Variants in MMP16 observed in about 807,000 individuals in gnomAD.
The protein encoded by MMP16 is matrix metallopeptidase 16, also known as matrix metalloproteinase-16.
A neutral mutation model predicts 67.8 loss-of-function variants in MMP16; 12 were observed. That is an observed-to-expected ratio of 0.18 (90% CI 0.11 to 0.29). MMP16 has a LOEUF of 0.29. MMP16 is among the 10% of genes least tolerant of loss of function. MMP16 has a pLI of 1.00. For missense variants in MMP16, 475 were observed against 765.7 expected, an observed-to-expected ratio of 0.62 and a Z score of 4.48; for synonymous variants, 249 against 255.9, an observed-to-expected ratio of 0.97 and a Z score of 0.26.
At chr8:88,104,111 A>G (rs1356667402) in intron 6 of MMP16, among the ~76,000 whole-genome samples, 1 of 151,716 alleles carries the variant, frequency 6.6e-6, no homozygotes, top group African/African-American at 2.4e-5. Context: ...CACATTTATA[A>G]AGCTTCTTTT....
intron 1 of MMP16, among the ~76,000 whole-genome samples, chr8:88,297,167 A>G (rs1179296285): frequency 1.3e-5 from 2 of 152,168 alleles, no homozygotes; most frequent in African/African-American, 4.8e-5. Context: ...CTGACACTCC[A>G]CATGCATACT....
rs1204369266 is a variant in MMP16, at chr8:88,058,083, G to T, written c.1223-1805C>A. On this transcript the variant is annotated intron_variant, in intron 7 of 9. Coordinates refer to ENST00000286614, the MANE Select transcript of MMP16 (RefSeq NM_005941.5). The surrounding 1 kb of genome is among the most constrained non-coding windows in gnomAD (Gnocchi z 4.2). ...TAAAGAAAGAGAAGGTAATAAATAT[G>T]CAAAGAATATTGGGAAGTGCATTCA... 6.6e-6 allele frequency among the ~76,000 whole-genome samples: 1 copy of T among 152,130 alleles called. No individual in the cohort carries two copies. The highest frequency in any genetic ancestry group is 1.5e-5 in the Non-Finnish European group (1 of 68,018).
At chr8:88,068,955 C>T (rs528841958) in intron 7 of MMP16, among the ~76,000 whole-genome samples, 1 of 152,012 alleles carries the variant, frequency 6.6e-6, no homozygotes, top group Non-Finnish European at 1.5e-5. Context: ...ACTTGCCTCC[C>T]CCTCCCAAAG....
chr8:88,327,105 G>C lies in MMP16; in HGVS notation c.102C>G (p.Val34=), dbSNP rs148050831. 625 of 1,613,996 alleles carry C rather than the reference G, an allele frequency of 3.9e-4. 3 individuals carry two copies. In the African/African-American group the frequency reaches 7.6e-3, roughly 20 times the overall value. The change falls in exon 1 of 10, where the codon GTC becomes GTG. Residue 34 remains valine, a synonymous_variant. Coordinates refer to ENST00000286614, the MANE Select transcript of MMP16 (RefSeq NM_005941.5). ...CATTGAAATACTGCTCCGTTCCGCA[G>C]ACTGTAGCACATAAAATCCAAAGCA... ...QTLLWILCAT[V]CGTEQYFNVE...
chr8:88,074,671 G>T lies in MMP16; in HGVS notation c.1156C>A (p.Arg386=), dbSNP rs760308984. 2.9e-5 allele frequency: 47 copies of T among 1,613,488 alleles called. No homozygotes were observed. The Admixed American group carries it at 7.5e-4, about 26-fold the overall frequency. Reference sequence around the variant, plus strand: ...GCATCGATACTAGGAGGCAAGCCCCGCCAGAAGTAAGTAATTTGCATTGGG... The same window carrying T: ...GCATCGATACTAGGAGGCAAGCCCCTCCAGAAGTAAGTAATTTGCATTGGG... ...GYPMQITYFW[R]GLPPSIDAVY... Residue 386 remains arginine, a synonymous_variant, in exon 7 of 10, where the codon CGG becomes AGG. Transcript: ENST00000286614.
rs1424491933 is a variant in MMP16, at chr8:88,035,211, A to T, written c.*6250T>A. ...AAGCTAAGTGACCTAACATAAGTATATTTCCGTATTTATATTTAATTGATT... is the reference window on the plus strand; with the variant it reads ...AAGCTAAGTGACCTAACATAAGTATTTTTCCGTATTTATATTTAATTGATT... On this transcript the variant is annotated 3_prime_UTR_variant, in exon 10 of 10. Transcript: ENST00000286614. This position sits in a 1 kb window ranked among gnomAD's most constrained non-coding sequence, Gnocchi z 4.7. The T allele has an allele frequency of 2.0e-5, 3 of 151,062 alleles. No homozygotes were observed. Among genetic ancestry groups the T allele is most frequent in the Admixed American group, 6.6e-5 (1 of 15,116 alleles). The allele number at this position is 151,062 out of a possible 1,614,324, so 9.4% of individuals were successfully genotyped here. A position where few individuals can be genotyped will look rare whatever the true frequency, so the allele number is the denominator to read the frequency against.
chr8:88,035,119 T>C lies in MMP16; in HGVS notation c.*6342A>G, dbSNP rs546573187. On this transcript the variant is annotated 3_prime_UTR_variant, in exon 10 of 10. Transcript: ENST00000286614. The surrounding 1 kb of genome is among the most constrained non-coding windows in gnomAD (Gnocchi z 4.7). ...ATAAGCCAAAAAGTTTATCATTTTA[T>C]TCTTGTTCACCATTCTTTTCTTCCA... 3.9e-5 allele frequency: 6 copies of C among 152,062 alleles called. No individual in the cohort carries two copies. Among genetic ancestry groups the C allele is most frequent in the Non-Finnish European group, 5.9e-5 (4 of 67,954 alleles). 9.4% of individuals were successfully genotyped at this position (152,062 alleles called of 1,614,324 possible).
intron 1 of MMP16, among the ~76,000 whole-genome samples, chr8:88,297,726 C>T (rs542830886): frequency 1.3e-5 from 2 of 152,312 alleles, no homozygotes; most frequent in African/African-American, 2.4e-5. Flanking sequence ...TCATTAGTTG[C>T]AAGACTTTAG....
chr8:88,110,755 G>T (rs184416316), intron 6 of MMP16, among the ~76,000 whole-genome samples: 41 of 151,616 alleles, frequency 2.7e-4, no homozygotes, highest in African/African-American at 9.4e-4. Context: ...TTTATATCAT[G>T]AGAATTATGG....
chr8:88,071,768 T>C (rs1808559978), intron 7 of MMP16, among the ~76,000 whole-genome samples: 1 of 152,132 alleles, frequency 6.6e-6, no homozygotes, highest in African/African-American at 2.4e-5. Flanking sequence ...ACTATGACCA[T>C]AGCCTGCTTC....
At chr8:88,065,793 G>T (rs945944578) in intron 7 of MMP16, among the ~76,000 whole-genome samples, 4 of 152,008 alleles carry the variant, frequency 2.6e-5, no homozygotes, top group Admixed American at 2.6e-4. Flanking sequence ...GCAGCATAAA[G>T]AAATTGCCTG....
intron 3 of MMP16, among the ~76,000 whole-genome samples, chr8:88,178,593 T>C (rs565626914): frequency 2.0e-5 from 3 of 152,324 alleles, no homozygotes; most frequent in African/African-American, 7.2e-5. Flanking sequence ...TTAAGATTTT[T>C]CTTACTCACC....
intron 6 of MMP16, among the ~76,000 whole-genome samples, chr8:88,110,563 G>T (rs1329427454): frequency 6.6e-6 from 1 of 151,544 alleles, no homozygotes; most frequent in African/African-American, 2.4e-5. Flanking sequence ...CTTCCTGGCA[G>T]TATGGAATTA....
At chr8:88,199,526 C>G (rs1809307516) in intron 1 of MMP16, among the ~76,000 whole-genome samples, 1 of 151,984 alleles carries the variant, frequency 6.6e-6, no homozygotes, top group African/African-American at 2.4e-5. Context: ...GGAAGCAAAC[C>G]TTCCTTCCAA....
chr8:88,135,557 C>G (rs1808104730), intron 4 of MMP16, among the ~76,000 whole-genome samples: 1 of 151,708 alleles, frequency 6.6e-6, no homozygotes, highest in African/African-American at 2.4e-5. Context: ...GTGCTCTAAT[C>G]AAAATGCCTG....
intron 8 of MMP16, among the ~76,000 whole-genome samples, chr8:88,047,799 C>A (rs910901506): frequency 6.6e-6 from 1 of 152,130 alleles, no homozygotes; most frequent in Non-Finnish European, 1.5e-5. Context: ...AAACTTATGG[C>A]TAAGTGTTGA....
chr8:88,254,876 T>A (rs1810277937), intron 1 of MMP16, among the ~76,000 whole-genome samples: 1 of 152,184 alleles, frequency 6.6e-6, no homozygotes, highest in South Asian at 2.1e-4. Flanking sequence ...TCTTAGGCCA[T>A]TAATTGTGAC....
chr8:88,163,674 G>C (rs1808667764), intron 4 of MMP16, among the ~76,000 whole-genome samples: 1 of 152,024 alleles, frequency 6.6e-6, no homozygotes, highest in African/African-American at 2.4e-5. Context: ...TGTTTACATT[G>C]ATAGCACCAT....
chr8:88,186,078 G>A (rs1358774214), intron 3 of MMP16, among the ~76,000 whole-genome samples: 2 of 152,030 alleles, frequency 1.3e-5, no homozygotes, highest in African/African-American at 2.4e-5. Flanking sequence ...AAATCAAAAT[G>A]GTTAGACTGA....
Sources: gnomAD v4.1 joint callset for allele counts (sites outside exome capture counted in the v4.1 genomes callset) on GRCh38, gnomAD v4.1.1 for gene constraint, Gnocchi (gnomAD v3.1) non-coding constraint, MANE v1.5 for transcripts, NCBI Gene and HGNC (gene_info 2026-07-23, HGNC 2026-07-21) for gene names.